Variants in PBX1 observed in about 807,000 individuals in gnomAD.
The protein encoded by PBX1 is PBX homeobox 1.
Under a neutral mutation model 53.4 loss-of-function variants are expected in PBX1, and 6 were observed. That is an observed-to-expected ratio of 0.11 (90% CI 0.06 to 0.22). PBX1 has a LOEUF of 0.22. Among genes scored for constraint, PBX1 ranks in the 10% least tolerant of loss-of-function variants. PBX1 has a pLI of 1.00. For synonymous variants in PBX1, 204 were observed against 212.3 expected, an observed-to-expected ratio of 0.96 and a Z score of 0.34; for missense variants, 251 against 551.4, an observed-to-expected ratio of 0.46 and a Z score of 5.46.
intron 2 of PBX1, chr1:164,625,821 A>G (rs1557899634): frequency 1.6e-5 from 8 of 513,054 alleles, no homozygotes; most frequent in Non-Finnish European, 2.0e-5. Context: ...AAAAAAAAAA[A>G]AAAGAAAAAA....
intron 2 of PBX1, among the ~76,000 whole-genome samples, chr1:164,673,807 T>C (rs1661262064): frequency 6.6e-6 from 1 of 152,182 alleles, no homozygotes; most frequent in African/African-American, 2.4e-5. Flanking sequence ...CGGCACATGC[T>C]ACCCCCAGCC....
intron 2 of PBX1, among the ~76,000 whole-genome samples, chr1:164,752,206 T>TTGTGTG (rs10629820): frequency 0.033 from 4,700 of 143,034 alleles, 99 homozygotes; most frequent in African/African-American, 0.048. Context: ...CTTTAAGGTT[T>TTGTGTG]TGTGTGTGTG....
intron 8 of PBX1, among the ~76,000 whole-genome samples, chr1:164,836,481 T>C (rs964799290): frequency 6.6e-6 from 1 of 152,116 alleles, no homozygotes; most frequent in East Asian, 1.9e-4. Context: ...TCTAGGGTGG[T>C]GTCAAGTGAA....
chr1:164,738,880 G>C (rs565995140), intron 2 of PBX1, among the ~76,000 whole-genome samples: 1 of 151,984 alleles, frequency 6.6e-6, no homozygotes, highest in East Asian at 1.9e-4. Context: ...ATCCTACTTG[G>C]GCCACACCTT....
intron 2 of PBX1, among the ~76,000 whole-genome samples, chr1:164,640,334 T>C (rs1387737820): frequency 6.6e-6 from 1 of 152,134 alleles, no homozygotes; most frequent in Non-Finnish European, 1.5e-5. Context: ...GAGCTCTTGT[T>C]CCTCAGTTTC....
intron 2 of PBX1, among the ~76,000 whole-genome samples, chr1:164,742,921 T>A (rs1049483939): frequency 1.2e-4 from 18 of 152,164 alleles, no homozygotes; most frequent in African/African-American, 4.3e-4. Flanking sequence ...GAATGTGAAA[T>A]AGTAATGAAT....
At position 164,628,480 on chromosome 1, in the gene PBX1, C is replaced by T. The variant is rs116740497; in HGVS notation, c.265+65169C>T. 4.2e-3 allele frequency among the ~76,000 whole-genome samples: 647 copies of T among 152,272 alleles called. 2 individuals carry two copies. Among genetic ancestry groups the T allele is most frequent in the African/African-American group, 0.015 (624 of 41,562 alleles). ...TCACCACCAGAACAGGGAATCCTGG[C>T]TTTATGCACCTGGCTAGTTTGCACT... On this transcript the variant is annotated intron_variant, in intron 2 of 8. Transcript: ENST00000420696.
rs1671637370 is a variant in PBX1 at position 164,847,588 on chromosome 1, A to G, written c.*912A>G. 9.4e-7 allele frequency: 1 copy of G among 1,062,922 alleles called. No individual in the cohort carries two copies. Among genetic ancestry groups the G allele is most frequent in the Admixed American group, 5.4e-5 (1 of 18,650 alleles). 65.8% of individuals were successfully genotyped at this position (1,062,922 alleles called of 1,614,324 possible). On this transcript the variant is annotated 3_prime_UTR_variant, in exon 9 of 9. Coordinates refer to ENST00000420696, the MANE Select transcript of PBX1 (RefSeq NM_002585.4). ...CAAGGAATAGAAAGTTCTTATCGTG[A>G]AACCCTTCAACCTCAACTATGCCTT...
chr1:164,739,390 A>G (rs1366553649), intron 2 of PBX1, among the ~76,000 whole-genome samples: 6 of 152,118 alleles, frequency 3.9e-5, no homozygotes, highest in African/African-American at 7.2e-5. Context: ...GCTGTGTTCT[A>G]CACAGGGCTT....
At chr1:164,694,093 TTTG>T (rs146649448) in intron 2 of PBX1, among the ~76,000 whole-genome samples, 35,768 of 151,984 alleles carry the variant, frequency 0.24, 4,418 homozygotes, top group East Asian at 0.45. Context: ...TCTAGAGTGC[TTTG>T]TTTTCTTTGC....
intron 3 of PBX1, among the ~76,000 whole-genome samples, chr1:164,796,486 G>C (rs2102311775): frequency 6.6e-6 from 1 of 152,184 alleles, no homozygotes; most frequent in South Asian, 2.1e-4. Context: ...TGTTGAACTG[G>C]ACTGGGTTAA....
chr1:164,844,688 C>A (rs1382442670), intron 8 of PBX1, among the ~76,000 whole-genome samples: 1 of 152,162 alleles, frequency 6.6e-6, no homozygotes, highest in Non-Finnish European at 1.5e-5. Flanking sequence ...CATTCTTAGT[C>A]AGCCTAAAAT....
chr1:164,584,608 A>C (rs2101749602), intron 2 of PBX1, among the ~76,000 whole-genome samples: 1 of 152,248 alleles, frequency 6.6e-6, no homozygotes, highest in South Asian at 2.1e-4. Flanking sequence ...TTCTGAGTTA[A>C]GATTTTGTGT....
At chr1:164,764,714 A>G (rs1666979609) in intron 2 of PBX1, among the ~76,000 whole-genome samples, 1 of 152,184 alleles carries the variant, frequency 6.6e-6, no homozygotes, top group African/African-American at 2.4e-5. Flanking sequence ...ACATGGAAAA[A>G]GACTATTATT....
chr1:164,711,485 G>A lies in PBX1; in HGVS notation c.266-81009G>A, dbSNP rs182026823. ...TCACCATGTTAGCCATGATGGTCTCGATCTCCTGACCTCGTGATCCACATG... is the reference window on the plus strand; with the variant it reads ...TCACCATGTTAGCCATGATGGTCTCAATCTCCTGACCTCGTGATCCACATG... On this transcript the variant is annotated intron_variant, in intron 2 of 8. Transcript: ENST00000420696. Among the ~76,000 whole-genome samples the A allele has an allele frequency of 6.6e-5, 10 of 152,214 alleles. No homozygotes were observed. In the East Asian group the frequency reaches 1.2e-3, roughly 18 times the overall value.
intron 2 of PBX1, among the ~76,000 whole-genome samples, chr1:164,774,034 G>T (rs1667525129): frequency 6.6e-6 from 1 of 152,196 alleles, no homozygotes; most frequent in Admixed American, 6.5e-5. Context: ...TAGATGGCAA[G>T]ATAGATGAGG....
At chr1:164,582,879 T>G (rs889149315) in intron 2 of PBX1, among the ~76,000 whole-genome samples, 1 of 152,232 alleles carries the variant, frequency 6.6e-6, no homozygotes, top group Non-Finnish European at 1.5e-5. Flanking sequence ...TACTATGTAA[T>G]TCTCTTGTTA....
intron 2 of PBX1, among the ~76,000 whole-genome samples, chr1:164,582,397 C>T (rs1654671761): frequency 6.6e-6 from 1 of 151,812 alleles, no homozygotes. Context: ...TGGTACTGGA[C>T]CCCATGCAAA....
intron 2 of PBX1, among the ~76,000 whole-genome samples, chr1:164,716,009 G>A (rs1664062097): frequency 6.6e-6 from 1 of 152,198 alleles, no homozygotes; most frequent in Non-Finnish European, 1.5e-5. Context: ...TGGGGAGGTG[G>A]TGAGGAGGGT....
Sources: gnomAD v4.1 joint callset for allele counts (sites outside exome capture counted in the v4.1 genomes callset) on GRCh38, gnomAD v4.1.1 for gene constraint, MANE v1.5 for transcripts, NCBI Gene and HGNC (gene_info 2026-07-23, HGNC 2026-07-21) for gene names.